Variants in PGM1 observed in about 807,000 individuals in gnomAD.
The protein encoded by PGM1 is phosphoglucomutase-1.
PGM1 carries 52 observed loss-of-function variants against 55.6 expected under a neutral mutation model. The observed-to-expected ratio is 0.94, with a 90% CI of 0.75 to 1.18. The LOEUF (loss-of-function observed/expected upper bound fraction) is 1.18, where lower values mean the gene tolerates loss of function less well. Ranked by LOEUF, PGM1 falls within the 50% of genes most tolerant of loss-of-function variation. The pLI, the probability that PGM1 is intolerant of heterozygous loss-of-function variation, is 0.00. For synonymous variants in PGM1, 287 were observed against 271.7 expected (o/e 1.06, Z -0.55); for missense variants, 724 against 729.3 (o/e 0.99, Z 0.08).
At chr1:63,652,019 T>G (rs1305848136) in intron 9 of PGM1, among the ~76,000 whole-genome samples, 167 bp downstream of exon 9, 1 of 152,214 alleles carries the variant, frequency 6.6e-6, no homozygotes, top group Non-Finnish European at 1.5e-5. Context: ...GACTCTCACA[T>G]GCACTCGTTG....
intron 1 of PGM1, 68 bp downstream of exon 1, chr1:63,593,802 C>G (rs1181752925): frequency 6.9e-7 from 1 of 1,452,130 alleles, no homozygotes; most frequent in Non-Finnish European, 9.0e-7. Flanking sequence ...CCGCGGCGCC[C>G]TCCCTCGCTC....
Position 63,650,504 on chromosome 1 carries a change from G to A in PGM1, c.1281-1165G>A, listed in dbSNP as rs139651834. 1.9e-4 allele frequency among the ~76,000 whole-genome samples: 29 copies of A among 152,322 alleles called. 1 individual carries two copies. In the East Asian group the frequency reaches 5.6e-3, roughly 29 times the overall value. ...AGCTGACTTTAAGATTAAGGGGACT[G>A]TTTGGCCCTTGATTCATAGAATCCT... is the stretch of plus-strand genomic sequence containing the variant. On this transcript the variant is annotated intron_variant, in intron 8 of 10. Coordinates refer to ENST00000371084, the MANE Select transcript of PGM1 (RefSeq NM_002633.3).
intron 4 of PGM1, among the ~76,000 whole-genome samples, chr1:63,634,066 G>A (rs549487763): frequency 2.0e-5 from 3 of 149,012 alleles, no homozygotes; most frequent in Admixed American, 1.3e-4. Context: ...ACAGGTGTGA[G>A]CCACCGTACC....
At chr1:63,642,694 T>C (rs1371130954) in intron 7 of PGM1, among the ~76,000 whole-genome samples, 1 of 152,226 alleles carries the variant, frequency 6.6e-6, no homozygotes, top group African/African-American at 2.4e-5. Context: ...TAAGTTATGA[T>C]CTGGTCAGGT....
intron 7 of PGM1, among the ~76,000 whole-genome samples, chr1:63,639,782 C>G (rs1296022880): frequency 6.6e-6 from 1 of 152,198 alleles, no homozygotes; most frequent in Non-Finnish European, 1.5e-5. Context: ...GAACAGAATA[C>G]TGACTTCATT....
chr1:63,650,564 T>TC (rs1649781280), intron 8 of PGM1, among the ~76,000 whole-genome samples: 1 of 152,244 alleles, frequency 6.6e-6, no homozygotes, highest in African/African-American at 2.4e-5. Flanking sequence ...TTCCTCAGCA[T>TC]TTCTCATGTC....
At chr1:63,612,972 A>G (rs994832896) in intron 1 of PGM1, among the ~76,000 whole-genome samples, 1 of 152,134 alleles carries the variant, frequency 6.6e-6, no homozygotes, top group Non-Finnish European at 1.5e-5. Flanking sequence ...TCTCACTTAA[A>G]TATTTTAGTC....
intron 9 of PGM1, among the ~76,000 whole-genome samples, chr1:63,652,708 A>T (rs1649842572): frequency 6.6e-6 from 1 of 152,120 alleles, no homozygotes; most frequent in Non-Finnish European, 1.5e-5. Context: ...AAGGCATCTC[A>T]TAGGGTTTGG....
rs10889435 is a variant in PGM1 at position 63,648,285 on chromosome 1, A to T, written c.1145-232A>T. On this transcript the variant is annotated intron_variant, in intron 7 of 10. Transcript: ENST00000371084. The stretch of plus-strand genomic sequence containing the variant: ...CTTCACATGGCTGCAGGAGAGAGAG[A>T]GTGAAGGGGGAAGTGCTATATACTT... Among the ~76,000 whole-genome samples the T allele has an allele frequency of 0.25, 37,988 of 151,796 alleles. 5,199 individuals are homozygous for T. Among genetic ancestry groups the T allele is most frequent in the Admixed American group, 0.35 (5,269 of 15,256 alleles).
chr1:63,631,737 T>C lies in PGM1; in HGVS notation c.637T>C (p.Ser213Pro). 6.2e-7 allele frequency: 1 copy of C among 1,613,706 alleles called. No individual in the cohort carries two copies. The highest frequency in any genetic ancestry group is 8.5e-7 in the Non-Finnish European group (1 of 1,179,646). Residue 213 changes from serine (S) to proline (P), a missense_variant, in exon 4 of 11, where the codon TCT becomes CCT. Ser to Pro is a moderately conservative substitution (Grantham distance 74). Around this residue, in one of 3 missense-constraint regions of PGM1, gnomAD observed 379 missense variants for 357.5 expected, o/e 1.06. Coordinates refer to ENST00000371084, the MANE Select transcript of PGM1 (RefSeq NM_002633.3). ...FDFSALKELL[S>P]GPNRLKIRID... ...TTTCAGTGCACTGAAAGAACTACTTTCTGGGCCAAACCGACTGAAGATCCG... is the reference window on the plus strand; with the variant it reads ...TTTCAGTGCACTGAAAGAACTACTTCCTGGGCCAAACCGACTGAAGATCCG...
Position 63,593,666 on chromosome 1 carries a change from G to A in PGM1, c.178G>A (p.Gly60Ser). 6.2e-7 allele frequency: 1 copy of A among 1,607,704 alleles called. No homozygotes were observed. The highest frequency in any genetic ancestry group is 8.5e-7 in the Non-Finnish European group (1 of 1,177,634). Residue 60 changes from glycine to serine, a missense_variant, in exon 1 of 11, where the codon GGC becomes AGC. By Grantham distance (56) the Gly-to-Ser change is moderately conservative. Transcript: ENST00000371084. The part of the protein sequence containing the change: ...AQRQEATLVV[G>S]GDGRFYMKEA... ...GCGGCAGGAGGCCACGCTGGTGGTG[G>A]GCGGGGACGGCCGGTTCTACATGAA...
intron 1 of PGM1, among the ~76,000 whole-genome samples, chr1:63,611,853 G>A (rs892352338): frequency 2.5e-4 from 38 of 152,014 alleles, no homozygotes; most frequent in Non-Finnish European, 5.0e-4. Flanking sequence ...GCAGTGAGCC[G>A]AGATTGCACC....
chr1:63,624,049 T>C (rs1648958631), intron 1 of PGM1, among the ~76,000 whole-genome samples: 1 of 152,234 alleles, frequency 6.6e-6, no homozygotes. Context: ...ACACTCCCGG[T>C]CTTAAGCTGT....
Position 63,654,361 on chromosome 1 carries a change from T to C in PGM1, c.1494T>C (p.Ser498=). Residue 498 remains serine (S), a synonymous_variant, in exon 10 of 11, where the codon TCT becomes TCC. Coordinates refer to ENST00000371084, the MANE Select transcript of PGM1 (RefSeq NM_002633.3). ...QGLRLIFTDG[S]RIVFRLSGTG... Reference sequence around the variant, plus strand: ...TGCGCCTCATTTTCACAGATGGTTCTCGAATCGTCTTCCGACTGAGCGGCA... The same window carrying C: ...TGCGCCTCATTTTCACAGATGGTTCCCGAATCGTCTTCCGACTGAGCGGCA... The C allele has an allele frequency of 6.2e-7, 1 of 1,614,094 alleles. No individual in the cohort carries two copies. The highest frequency in any genetic ancestry group is 1.1e-5 in the South Asian group (1 of 91,082).
At position 63,593,463 on chromosome 1, in the gene PGM1, C is replaced by G; in HGVS notation, c.-26C>G. The G allele has an allele frequency of 1.2e-6, 2 of 1,613,298 alleles. No homozygotes were observed. Among genetic ancestry groups the G allele is most frequent in the Non-Finnish European group, 1.7e-6 (2 of 1,179,842 alleles). On this transcript the variant is annotated 5_prime_UTR_variant, in exon 1 of 11. Transcript: ENST00000371084. ...CCCTCCGCCAGCCAAGTCCGCCGCTCTGACCCCCGGCAGCAAGTCGCCACC... is the reference window on the plus strand; with the variant it reads ...CCCTCCGCCAGCCAAGTCCGCCGCTGTGACCCCCGGCAGCAAGTCGCCACC...
intron 9 of PGM1, among the ~76,000 whole-genome samples, chr1:63,652,371 A>G (rs1331035630): frequency 1.3e-5 from 2 of 152,230 alleles, no homozygotes; most frequent in African/African-American, 2.4e-5. Context: ...TTCGCAGCAC[A>G]TGAGTGGCAC....
chr1:63,631,757 G>A lies in PGM1; in HGVS notation c.657G>A (p.Lys219=). ...TACTTTCTGGGCCAAACCGACTGAAGATCCGTATTGATGCTATGCATGGAG... is the reference window on the plus strand; with the variant it reads ...TACTTTCTGGGCCAAACCGACTGAAAATCCGTATTGATGCTATGCATGGAG... The part of the protein sequence containing the change: ...KELLSGPNRL[K]IRIDAMHGVV... Residue 219 remains lysine, a synonymous_variant, in exon 4 of 11, where the codon AAG becomes AAA. Transcript: ENST00000371084. 1 of 1,613,792 alleles carries A rather than the reference G, an allele frequency of 6.2e-7. No individual in the cohort carries two copies. The highest frequency in any genetic ancestry group is 8.5e-7 in the Non-Finnish European group (1 of 1,179,744).
At chr1:63,594,908 CTGAGATCCCGCCACTGCA>C (rs1648003774) in intron 1 of PGM1, among the ~76,000 whole-genome samples, 2 of 140,466 alleles carry the variant, frequency 1.4e-5, no homozygotes, top group African/African-American at 5.5e-5. Flanking sequence ...TTGCAGTGAG[CTGAGATCCCGCCACTGCA>C]CTCTAGCCTC....
chr1:63,598,927 G>A (rs567173038), intron 1 of PGM1, among the ~76,000 whole-genome samples: 37 of 152,284 alleles, frequency 2.4e-4, no homozygotes, highest in South Asian at 6.2e-4. Flanking sequence ...ACTGTCTCCC[G>A]CTTGAAGTGA....
Sources: allele counts gnomAD v4.1 joint callset (sites outside exome capture counted in the v4.1 genomes callset), GRCh38; gene constraint gnomAD v4.1.1; regional missense constraint gnomAD v4.1.1; transcripts MANE v1.5; gene names NCBI Gene and HGNC (gene_info 2026-07-23, HGNC 2026-07-21).